PDE4D: variants seen among roughly 807,000 people sequenced by gnomAD.
PDE4D encodes the protein 3',5'-cyclic-AMP phosphodiesterase 4D.
A neutral mutation model predicts 87.4 loss-of-function variants in PDE4D; 24 were observed. The ratio of observed to expected loss-of-function variants is 0.27; its 90% CI spans 0.20 to 0.39. The LOEUF is 0.39. Ranked by LOEUF, PDE4D falls within the 10% of genes least tolerant of loss-of-function variation. PDE4D has a pLI of 1.00. For missense variants in PDE4D, 714 were observed against 1,041.0 expected, an observed-to-expected ratio of 0.69 and a Z score of 4.32; for synonymous variants, 384 against 383.2, an observed-to-expected ratio of 1.00 and a Z score of -0.02.
At chr5:59,427,987 T>C (rs140494900) in intron 1 of PDE4D, among the ~76,000 whole-genome samples, 375 of 152,234 alleles carry the variant, frequency 2.5e-3, no homozygotes, top group African/African-American at 8.8e-3. Context: ...TAGAAAGTAA[T>C]TATAATCACA....
At chr5:59,626,933 C>T (rs1017627767) in intron 1 of PDE4D, among the ~76,000 whole-genome samples, 3 of 152,094 alleles carry the variant, frequency 2.0e-5, no homozygotes, top group African/African-American at 7.2e-5. Flanking sequence ...TCCTACTTTG[C>T]CTTTGTTGGC....
intron 1 of PDE4D, among the ~76,000 whole-genome samples, chr5:59,574,085 TATATATATAA>T (rs1561240815): frequency 2.4e-4 from 5 of 21,246 alleles, no homozygotes; most frequent in East Asian, 1.0e-3. Flanking sequence ...TATATATATT[TATATATATAA>T]ATATATATTT....
At chr5:59,728,280 C>A in intron 1 of PDE4D, among the ~76,000 whole-genome samples, 1 of 152,100 alleles carries the variant, frequency 6.6e-6, no homozygotes, top group Admixed American at 6.6e-5. Context: ...TAGTATAATA[C>A]AAAAGAACAT....
chr5:60,036,118 T>C (rs1033235073), intron 2 of PDE4D, among the ~76,000 whole-genome samples: 6 of 152,238 alleles, frequency 3.9e-5, no homozygotes, highest in African/African-American at 1.4e-4. Flanking sequence ...TCATTTTGGG[T>C]TGATATGACA....
At chr5:59,186,799 C>T (rs1027312940) in intron 3 of PDE4D, among the ~76,000 whole-genome samples, 5 of 152,172 alleles carry the variant, frequency 3.3e-5, no homozygotes, top group Non-Finnish European at 7.3e-5. Context: ...AAACAACCCA[C>T]GGCTCTGAAA....
intron 5 of PDE4D, among the ~76,000 whole-genome samples, chr5:59,162,979 T>C (rs1279852738): frequency 2.0e-5 from 3 of 151,826 alleles, no homozygotes; most frequent in Non-Finnish European, 2.9e-5. Flanking sequence ...AGTCTTGCTC[T>C]GTCACCCAGG....
chr5:59,823,089 T>G (rs769674278), intron 1 of PDE4D, among the ~76,000 whole-genome samples: 1 of 152,246 alleles, frequency 6.6e-6, no homozygotes, highest in Non-Finnish European at 1.5e-5. Flanking sequence ...TGTCTTCTAC[T>G]CTTTTCAAGA....
chr5:59,792,630 G>C (rs1426966575), intron 1 of PDE4D, among the ~76,000 whole-genome samples: 1 of 152,130 alleles, frequency 6.6e-6, no homozygotes, highest in Non-Finnish European at 1.5e-5. Context: ...GAGAATAAGT[G>C]AATATGCAAA....
At chr5:60,185,332 G>A (rs1784696880) in intron 2 of PDE4D, among the ~76,000 whole-genome samples, 1 of 152,052 alleles carries the variant, frequency 6.6e-6, no homozygotes, top group Admixed American at 6.6e-5. Context: ...ATGAATGAAT[G>A]GTAAGATATA....
At chr5:59,274,040 A>G (rs1225795489) in intron 1 of PDE4D, among the ~76,000 whole-genome samples, 1 of 152,148 alleles carries the variant, frequency 6.6e-6, no homozygotes, top group African/African-American at 2.4e-5. Flanking sequence ...ATTCATGTAT[A>G]TTATAAATTC....
At chr5:59,793,432 T>C (rs1299197133) in intron 1 of PDE4D, among the ~76,000 whole-genome samples, 3 of 152,234 alleles carry the variant, frequency 2.0e-5, no homozygotes, top group Non-Finnish European at 2.9e-5. Context: ...AAGATGCTTT[T>C]ATTCTAATTA....
At chr5:60,482,701 T>C (rs1378023990) in intron 1 of PDE4D, among the ~76,000 whole-genome samples, 2 of 152,242 alleles carry the variant, frequency 1.3e-5, no homozygotes, top group South Asian at 2.1e-4. Flanking sequence ...AGATTTTATA[T>C]GTTATGGCAG....
chr5:60,074,871 C>T (rs1422872418), intron 2 of PDE4D, among the ~76,000 whole-genome samples: 1 of 152,012 alleles, frequency 6.6e-6, no homozygotes, highest in Non-Finnish European at 1.5e-5. Context: ...TTTTCTGCAT[C>T]TCTTTATTTT....
chr5:59,245,564 C>T (rs26687), intron 1 of PDE4D, among the ~76,000 whole-genome samples: 123,479 of 152,100 alleles, frequency 0.81, 50,461 homozygotes, highest in African/African-American at 0.9. Flanking sequence ...TCTGAGTTTT[C>T]GAAAAATCTT....
rs533637548 is a variant in PDE4D at position 60,205,624 on chromosome 5, G to A, written c.-89-19937C>T. Among the ~76,000 whole-genome samples, 772 of 152,102 alleles carry A rather than the reference G, an allele frequency of 5.1e-3. 6 individuals carry two copies. Among genetic ancestry groups the A allele is most frequent in the Non-Finnish European group, 8.5e-3 (576 of 68,004 alleles). ...AATAGGGTGGGGCATGGTGGCTCAC[G>A]CCTGTAATCTCAGCACTTTGGGAGG... On this transcript the variant is annotated intron_variant, in intron 1 of 16. Transcript: ENST00000502484.
At chr5:59,040,403 CG>C (rs1393189736) in intron 5 of PDE4D, among the ~76,000 whole-genome samples, 2 of 152,238 alleles carry the variant, frequency 1.3e-5, no homozygotes, top group African/African-American at 4.8e-5. Flanking sequence ...GGAGAATTTA[CG>C]CATGTCCTGC....
At chr5:59,845,176 G>A (rs576457129) in intron 1 of PDE4D, among the ~76,000 whole-genome samples, 3 of 152,166 alleles carry the variant, frequency 2.0e-5, no homozygotes, top group African/African-American at 7.2e-5. Context: ...ACTCTGATAC[G>A]CACCTGACTC....
chr5:59,918,280 G>A (rs764524836), intron 3 of PDE4D, among the ~76,000 whole-genome samples: 1 of 151,992 alleles, frequency 6.6e-6, no homozygotes, highest in Non-Finnish European at 1.5e-5. Context: ...AGAGGCACCT[G>A]TTTGTGCAAT....
chr5:59,411,462 G>A (rs1033213338), intron 1 of PDE4D, among the ~76,000 whole-genome samples: 2 of 152,152 alleles, frequency 1.3e-5, no homozygotes, highest in African/African-American at 4.8e-5. Context: ...TGGCTTACAC[G>A]ACAGTAATAC....
Sources: allele counts gnomAD v4.1 joint callset (sites outside exome capture counted in the v4.1 genomes callset), GRCh38; gene constraint gnomAD v4.1.1; transcripts MANE v1.5; gene names NCBI Gene and HGNC (gene_info 2026-07-23, HGNC 2026-07-21).